Variants in GALNT13 observed in about 807,000 individuals in gnomAD.
GALNT13 encodes the protein polypeptide N-acetylgalactosaminyltransferase 13.
Under a neutral mutation model 64.2 loss-of-function variants are expected in GALNT13, and 28 were observed. The ratio of observed to expected loss-of-function variants is 0.44; its 90% CI spans 0.32 to 0.60. GALNT13 has a LOEUF of 0.60. Ranked by LOEUF, GALNT13 falls within the 20% of genes least tolerant of loss-of-function variation. The probability of loss-of-function intolerance (pLI) is 0.05; values close to 1 mark genes in which losing one functional copy is unlikely to be tolerated. For missense variants in GALNT13, 577 were observed against 669.8 expected, an observed-to-expected ratio of 0.86 and a Z score of 1.53; for synonymous variants, 214 against 224.6, an observed-to-expected ratio of 0.95 and a Z score of 0.42.
intron 10 of GALNT13, among the ~76,000 whole-genome samples, chr2:154,396,802 G>A (rs799803): frequency 0.34 from 52,083 of 151,604 alleles, 9,392 homozygotes; most frequent in African/African-American, 0.45. Context: ...TGGTATTGAC[G>A]TTGTAGACAC....
chr2:153,959,634 G>A (rs1692803630), intron 3 of GALNT13, among the ~76,000 whole-genome samples: 1 of 152,292 alleles, frequency 6.6e-6, no homozygotes, highest in Non-Finnish European at 1.5e-5. Context: ...ATGAAAGGAA[G>A]GGCAGAGGGG....
the GALNT13 span, among the ~76,000 whole-genome samples, chr2:153,625,278 T>C: frequency 6.6e-6 from 1 of 151,984 alleles, no homozygotes; most frequent in South Asian, 2.1e-4. Flanking sequence ...ATAGATGAAA[T>C]TACCTAAAAA....
At chr2:153,388,389 T>C in the GALNT13 span, among the ~76,000 whole-genome samples, 123,722 of 151,998 alleles carry the variant, frequency 0.81, 51,466 homozygotes, top group African/African-American at 0.9. Flanking sequence ...CCTCAGGCAG[T>C]GTCTCATGAG....
chr2:154,228,638 G>A (rs1688755126), intron 4 of GALNT13, among the ~76,000 whole-genome samples: 1 of 152,156 alleles, frequency 6.6e-6, no homozygotes, highest in Non-Finnish European at 1.5e-5. Flanking sequence ...CCACCAAGGA[G>A]CTCAGTCTCA....
At chr2:154,145,369 TG>T (rs1683533902) in intron 4 of GALNT13, among the ~76,000 whole-genome samples, 1 of 151,782 alleles carries the variant, frequency 6.6e-6, no homozygotes, top group African/African-American at 2.4e-5. Context: ...TTTGTAAATT[TG>T]TATATTTTGG....
chr2:153,100,861 T>A, the GALNT13 span, among the ~76,000 whole-genome samples: 1 of 152,076 alleles, frequency 6.6e-6, no homozygotes, highest in Admixed American at 6.6e-5. Context: ...AAACCCCATC[T>A]CTACTAAAAA....
At chr2:153,817,689 G>C in the GALNT13 span, among the ~76,000 whole-genome samples, 1 of 152,124 alleles carries the variant, frequency 6.6e-6, no homozygotes, top group African/African-American at 2.4e-5. Flanking sequence ...AATGTCCTGA[G>C]TAAAGTCTTT....
At chr2:153,467,155 G>C in the GALNT13 span, among the ~76,000 whole-genome samples, 1 of 151,980 alleles carries the variant, frequency 6.6e-6, no homozygotes, top group Non-Finnish European at 1.5e-5. Context: ...GTGAACATTA[G>C]AGACCTTTAT....
chr2:153,326,306 C>CT, the GALNT13 span, among the ~76,000 whole-genome samples: 5,314 of 130,678 alleles, frequency 0.041, 330 homozygotes, highest in African/African-American at 0.13. Context: ...CAACTTTGGC[C>CT]TTTTTTTTTT....
chr2:153,678,876 A>G, the GALNT13 span, among the ~76,000 whole-genome samples: 11 of 152,148 alleles, frequency 7.2e-5, no homozygotes, highest in Middle Eastern at 3.4e-3. Context: ...TACATATCCC[A>G]GAATTCCCTC....
chr2:153,640,010 G>A, the GALNT13 span, among the ~76,000 whole-genome samples: 1 of 152,072 alleles, frequency 6.6e-6, no homozygotes, highest in South Asian at 2.1e-4. Context: ...CCCATAGAGG[G>A]GCTATGAGAG....
At chr2:153,270,570 T>C in the GALNT13 span, among the ~76,000 whole-genome samples, 2 of 152,274 alleles carry the variant, frequency 1.3e-5, no homozygotes, top group East Asian at 3.9e-4. Context: ...TGTAAAAACA[T>C]ACATTTGTGG....
chr2:153,894,973 T>C (rs1687797250), intron 1 of GALNT13, among the ~76,000 whole-genome samples: 1 of 152,100 alleles, frequency 6.6e-6, no homozygotes. Flanking sequence ...AGACTAAAAG[T>C]GTTTATTGGG....
the GALNT13 span, among the ~76,000 whole-genome samples, chr2:153,633,059 C>T: frequency 2.0e-5 from 3 of 152,084 alleles, no homozygotes; most frequent in Non-Finnish European, 4.4e-5. Context: ...CCATACGCAG[C>T]GCCATCTATT....
chr2:153,461,710 C>A, the GALNT13 span, among the ~76,000 whole-genome samples: 1 of 152,042 alleles, frequency 6.6e-6, no homozygotes, highest in East Asian at 1.9e-4. Flanking sequence ...TCTGACCTGC[C>A]AAGGCTCCAC....
At chr2:153,093,405 CT>C in the GALNT13 span, among the ~76,000 whole-genome samples, 2 of 151,572 alleles carry the variant, frequency 1.3e-5, no homozygotes, top group African/African-American at 4.8e-5. Context: ...TGCCTGGCTA[CT>C]TTTTTGTATT....
At chr2:154,275,156 C>T (rs182966694) in intron 8 of GALNT13, among the ~76,000 whole-genome samples, 34 of 152,182 alleles carry the variant, frequency 2.2e-4, no homozygotes, top group African/African-American at 7.5e-4. Flanking sequence ...AAATTTGCAG[C>T]CTGTTGATGC....
At chr2:154,090,422 C>T (rs527830510) in intron 3 of GALNT13, among the ~76,000 whole-genome samples, 12 of 152,098 alleles carry the variant, frequency 7.9e-5, no homozygotes, top group African/African-American at 2.9e-4. Context: ...ATAGAAATTG[C>T]TATTTTTAAC....
intron 9 of GALNT13, among the ~76,000 whole-genome samples, chr2:154,357,691 G>C (rs1365388961): frequency 6.6e-6 from 1 of 152,016 alleles, no homozygotes; most frequent in African/African-American, 2.4e-5. Context: ...TATGGGTCAA[G>C]GGATGACTGG....
Sources: gnomAD v4.1 joint callset for allele counts (sites outside exome capture counted in the v4.1 genomes callset) on GRCh38, gnomAD v4.1.1 for gene constraint, MANE v1.5 for transcripts, NCBI Gene and HGNC (gene_info 2026-07-23, HGNC 2026-07-21) for gene names.